The following ZSWIM6 variants were observed in gnomAD, a reference collection of about 807,000 sequenced individuals.
ZSWIM6 encodes the protein zinc finger SWIM-type containing 6.
ZSWIM6 carries 9 observed loss-of-function variants against 113.2 expected under a neutral mutation model. That is an observed-to-expected ratio of 0.08 (90% CI 0.05 to 0.14). The LOEUF (loss-of-function observed/expected upper bound fraction) is 0.14, where lower values mean the gene tolerates loss of function less well. Ranked by LOEUF, ZSWIM6 falls within the 10% of genes least tolerant of loss-of-function variation. ZSWIM6 has a pLI of 1.00. For missense variants in ZSWIM6, 1,162 were observed against 1,552.2 expected, an observed-to-expected ratio of 0.75 and a Z score of 4.22; for synonymous variants, 611 against 606.5, an observed-to-expected ratio of 1.01 and a Z score of -0.11.
intron 1 of ZSWIM6, among the ~76,000 whole-genome samples, chr5:61,463,504 A>G (rs890280202): frequency 6.6e-6 from 1 of 152,232 alleles, no homozygotes. Flanking sequence ...AACCCTGGAC[A>G]TATGGGGTCC....
intron 4 of ZSWIM6, among the ~76,000 whole-genome samples, chr5:61,510,474 G>A (rs1748751058): frequency 6.6e-6 from 1 of 151,562 alleles, no homozygotes; most frequent in Admixed American, 6.6e-5. Flanking sequence ...TAAGTGGATT[G>A]GAACCATTTA....
chr5:61,454,143 C>G (rs984973474), intron 1 of ZSWIM6, among the ~76,000 whole-genome samples: 12 of 151,942 alleles, frequency 7.9e-5, no homozygotes, highest in African/African-American at 2.9e-4. Context: ...AACATTGTCA[C>G]TATTGATTTT....
At chr5:61,338,884 C>A (rs1744464688) in intron 1 of ZSWIM6, among the ~76,000 whole-genome samples, 1 of 152,098 alleles carries the variant, frequency 6.6e-6, no homozygotes, top group Non-Finnish European at 1.5e-5. Flanking sequence ...CATCAGGATG[C>A]CCTTGGAACA....
At chr5:61,531,385 G>A in intron 8 of ZSWIM6, 80 bp from the exon 9 acceptor site, 2 of 1,424,842 alleles carry the variant, frequency 1.4e-6, no homozygotes, top group Non-Finnish European at 1.9e-6. Flanking sequence ...GCTTGTACGG[G>A]GAAGTATAAA....
At chr5:61,396,892 G>C (rs1269385959) in intron 1 of ZSWIM6, among the ~76,000 whole-genome samples, 1 of 152,074 alleles carries the variant, frequency 6.6e-6, no homozygotes, top group African/African-American at 2.4e-5. Flanking sequence ...AATTGTTGAA[G>C]TGGACATAGT....
intron 1 of ZSWIM6, among the ~76,000 whole-genome samples, chr5:61,357,825 A>T (rs1010569123): frequency 3.9e-5 from 6 of 152,158 alleles, no homozygotes; most frequent in African/African-American, 1.4e-4. Context: ...TGTTTTCACA[A>T]GTGTCTGTAA....
chr5:61,471,978 C>T (rs995581980), intron 1 of ZSWIM6, among the ~76,000 whole-genome samples: 2 of 151,666 alleles, frequency 1.3e-5, no homozygotes, highest in Non-Finnish European at 2.9e-5. Flanking sequence ...TATAGCTTTC[C>T]TCTGTATGTG....
At chr5:61,445,593 A>C (rs1746933870) in intron 1 of ZSWIM6, among the ~76,000 whole-genome samples, 1 of 152,262 alleles carries the variant, frequency 6.6e-6, no homozygotes, top group Non-Finnish European at 1.5e-5. Context: ...AATGGTGAAC[A>C]CAACTAAAGT....
chr5:61,380,986 C>T (rs1407483210), intron 1 of ZSWIM6, among the ~76,000 whole-genome samples: 3 of 151,744 alleles, frequency 2.0e-5, no homozygotes, highest in African/African-American at 4.8e-5. Context: ...TGGTGGCTCA[C>T]GCCTGTAATC....
At chr5:61,496,120 G>A (rs531133859) in intron 4 of ZSWIM6, among the ~76,000 whole-genome samples, 84 of 152,174 alleles carry the variant, frequency 5.5e-4, no homozygotes, top group African/African-American at 2.0e-3. Context: ...TTTTTATTAG[G>A]TGGAAGTTTC....
At chr5:61,355,886 T>G (rs1352640778) in intron 1 of ZSWIM6, among the ~76,000 whole-genome samples, 1 of 152,254 alleles carries the variant, frequency 6.6e-6, no homozygotes, top group Non-Finnish European at 1.5e-5. Flanking sequence ...TTTTAAAATG[T>G]GACTACTAGG....
chr5:61,493,179 T>C (rs1748224722), intron 3 of ZSWIM6, among the ~76,000 whole-genome samples: 1 of 152,096 alleles, frequency 6.6e-6, no homozygotes, highest in African/African-American at 2.4e-5. Context: ...ATTATTCTGC[T>C]TCATGGATCA....
At chr5:61,395,747 A>G (rs1456330607) in intron 1 of ZSWIM6, among the ~76,000 whole-genome samples, 2 of 152,210 alleles carry the variant, frequency 1.3e-5, no homozygotes, top group East Asian at 3.8e-4. Flanking sequence ...TTTTATAAGT[A>G]AGCCACAGTA....
intron 1 of ZSWIM6, among the ~76,000 whole-genome samples, chr5:61,372,012 A>AT (rs77152650): frequency 0.066 from 9,752 of 148,300 alleles, 574 homozygotes; most frequent in South Asian, 0.15. Context: ...TACAGAAGAG[A>AT]TTTTTTTTTT....
intron 4 of ZSWIM6, among the ~76,000 whole-genome samples, chr5:61,517,284 C>G (rs1326314280): frequency 1.3e-5 from 2 of 152,000 alleles, no homozygotes; most frequent in Admixed American, 1.3e-4. Context: ...TTGATATTTT[C>G]TTACTTGTTT....
At chr5:61,438,348 C>T (rs1220309262) in intron 1 of ZSWIM6, among the ~76,000 whole-genome samples, 2 of 152,174 alleles carry the variant, frequency 1.3e-5, no homozygotes, top group Admixed American at 1.3e-4. Context: ...CTTTCTTCCC[C>T]CACCTCATGA....
intron 1 of ZSWIM6, among the ~76,000 whole-genome samples, chr5:61,408,139 TAAGG>T (rs544096068): frequency 1.7e-3 from 255 of 152,312 alleles, no homozygotes; most frequent in African/African-American, 5.9e-3. Flanking sequence ...TAAAAAAGAA[TAAGG>T]AAGCAAAGTA....
intron 1 of ZSWIM6, chr5:61,375,467 C>G (rs1745354643): frequency 1.3e-6 from 2 of 1,547,684 alleles, no homozygotes; most frequent in South Asian, 1.2e-5. Flanking sequence ...AGCAGTTCTT[C>G]TGATTCTGAA....
In ZSWIM6 at chr5:61,332,592, G is replaced by A; in HGVS notation, c.320G>A (p.Arg107His). ...RFERIPEPVQ[R>H]RIVYWSFPRS... ...GAGCGCATCCCGGAGCCGGTGCAGCGCCGCATAGTCTATTGGTCCTTCCCC... is the reference window on the plus strand; with the variant it reads ...GAGCGCATCCCGGAGCCGGTGCAGCACCGCATAGTCTATTGGTCCTTCCCC... The change falls in exon 1 of 14, where the codon CGC becomes CAC. Residue 107 changes from arginine to histidine, a missense_variant. Transcript: ENST00000252744. 1.5e-6 allele frequency: 2 copies of A among 1,339,468 alleles called. No homozygotes were observed. Among genetic ancestry groups the A allele is most frequent in the South Asian group, 2.6e-5 (2 of 77,530 alleles). The allele number at this position is 1,339,468 out of a possible 1,614,324, so 83.0% of individuals were successfully genotyped here.
Sources: allele counts gnomAD v4.1 joint callset (sites outside exome capture counted in the v4.1 genomes callset), GRCh38; gene constraint gnomAD v4.1.1; transcripts MANE v1.5; gene names NCBI Gene and HGNC (gene_info 2026-07-23, HGNC 2026-07-21).